CRYBG3: variants seen among roughly 807,000 people sequenced by gnomAD.
The protein encoded by CRYBG3 is very large A-kinase anchor protein.
A neutral mutation model predicts 244.2 loss-of-function variants in CRYBG3; 127 were observed. That is an observed-to-expected ratio of 0.52 (90% confidence interval 0.45 to 0.60). The LOEUF (loss-of-function observed/expected upper bound fraction) is 0.60. Among genes scored for constraint, CRYBG3 ranks in the 20% least tolerant of loss-of-function variants. The pLI, the probability that CRYBG3 is intolerant of heterozygous loss-of-function variation, is 0.00. For synonymous variants in CRYBG3, 1,132 were observed against 1,195.8 expected (o/e 0.95, Z 1.10); for missense variants, 3,325 against 3,442.5 (o/e 0.97, Z 0.85).
At chr3:97,898,835 A>G (rs759162862) in intron 12 of CRYBG3, 48 bp from the exon 13 acceptor site, 6 of 1,399,194 alleles carry the variant, frequency 4.3e-6, no homozygotes, top group Non-Finnish European at 5.8e-6. Context: ...AGCAGTCCAT[A>G]AAACAGAATA....
At position 97,933,776 on chromosome 3, in the gene CRYBG3, C is replaced by G; in HGVS notation, c.8324C>G (p.Ser2775Cys). ...TTACATCTAGAAGAGGCTGTGAACT[C>G]TGTTCTGAACAAGGACCTACACTTC... ...RELHLEEAVN[S>C]VLNKDLHFYT... is the part of the protein sequence containing the mutation. The change falls in exon 18 of 22, where the codon TCT (serine) becomes TGT (cysteine). Residue 2775 changes from serine (S) to cysteine (C), a missense_variant. Physicochemically the swap from Ser to Cys is moderately radical, Grantham distance 112 (BLOSUM62 -1). Transcript: ENST00000389622. The G allele has an allele frequency of 6.2e-7, 1 of 1,612,838 alleles. No individual in the cohort carries two copies. Among genetic ancestry groups the G allele is most frequent in the Non-Finnish European group, 8.5e-7 (1 of 1,179,186 alleles).
At chr3:97,854,229 GTA>G (rs2039033078) in intron 2 of CRYBG3, among the ~76,000 whole-genome samples, 1 of 152,154 alleles carries the variant, frequency 6.6e-6, no homozygotes. Flanking sequence ...TAGCCTTGTA[GTA>G]TAGTTTGAAG....
chr3:97,876,898 G>A lies in CRYBG3; in HGVS notation c.5704G>A (p.Gly1902Arg), dbSNP rs1399336212. The A allele has an allele frequency of 1.7e-5, 25 of 1,440,876 alleles. No individual in the cohort carries two copies. The Admixed American group carries it at 3.6e-4, about 21-fold the overall frequency. The allele number at this position is 1,440,876 out of a possible 1,614,324, so 89.3% of individuals were successfully genotyped here. The part of the protein sequence containing the change: ...ESKTPQEYAE[G>R]SVEETKEEPT... The stretch of plus-strand genomic sequence containing the variant: ...TAAAACACCACAAGAGTATGCTGAA[G>A]GGAGTGTTGAAGAAACAAAGGAAGA... The change falls in exon 4 of 22, where the codon GGG (glycine) becomes AGG (arginine). Residue 1902 changes from glycine to arginine, a missense_variant. By Grantham distance (125) the Gly-to-Arg change is moderately radical. This residue lies in a region of CRYBG3 where 635 missense variants were observed against 771.7 expected (regional missense o/e 0.82). Transcript: ENST00000389622.
At position 97,836,456 on chromosome 3, in the gene CRYBG3, G is replaced by A. The variant is rs904587892; in HGVS notation, c.150-6739G>A. On this transcript the variant is annotated intron_variant, in intron 1 of 21. Coordinates refer to ENST00000389622, the MANE Select transcript of CRYBG3 (RefSeq NM_153605.4). The stretch of plus-strand genomic sequence containing the variant: ...TTGTGAATGGACAGTTTTCCAGATG[G>A]TGGTTTGGAAATCATTGGTGTGGAA... 2.6e-5 allele frequency among the ~76,000 whole-genome samples: 4 copies of A among 152,158 alleles called. No homozygotes were observed. The East Asian group carries it at 7.7e-4, about 29-fold the overall frequency.
chr3:97,915,153 T>A (rs2039913561), intron 16 of CRYBG3, among the ~76,000 whole-genome samples: 1 of 152,166 alleles, frequency 6.6e-6, no homozygotes, highest in Admixed American at 6.5e-5. Flanking sequence ...GAACTTATAA[T>A]CTGTTCAGGT....
At chr3:97,938,118 A>G (rs898291735) in intron 19 of CRYBG3, among the ~76,000 whole-genome samples, 1 of 151,930 alleles carries the variant, frequency 6.6e-6, no homozygotes, top group Non-Finnish European at 1.5e-5. Context: ...TCTTTAGAAC[A>G]CTTTCTTGCT....
In CRYBG3 at chr3:97,937,069, G is replaced by T. The variant is rs1168784742; in HGVS notation, c.8505+161G>T. Among the ~76,000 whole-genome samples, 4 of 152,184 alleles carry T rather than the reference G, an allele frequency of 2.6e-5. No individual in the cohort carries two copies. In the East Asian group the frequency reaches 7.8e-4, roughly 30 times the overall value. On this transcript the variant is annotated intron_variant, in intron 19 of 21. Transcript: ENST00000389622. ...ATATCTTGTACATTTTAACCAATTT[G>T]TAAGATTGTATCTAAAGTCAACATT...
chr3:97,847,831 C>T (rs1366585316), intron 2 of CRYBG3, among the ~76,000 whole-genome samples: 1 of 152,164 alleles, frequency 6.6e-6, no homozygotes, highest in Non-Finnish European at 1.5e-5. Flanking sequence ...TGGTGTATGC[C>T]TGTGATATTC....
rs2039375069 is a variant in CRYBG3, at chr3:97,876,557, A to G, written c.5363A>G (p.Tyr1788Cys). The G allele has an allele frequency of 3.2e-6, 4 of 1,232,162 alleles. No individual in the cohort carries two copies. In the African/African-American group the frequency reaches 4.7e-5, roughly 14 times the overall value. 76.3% of individuals were successfully genotyped at this position (1,232,162 alleles called of 1,614,324 possible). A position where few individuals can be genotyped will look rare whatever the true frequency, so the allele number is the denominator to read the frequency against. The stretch of plus-strand genomic sequence containing the variant: ...TCTGTGTTGAAAATGGAAGCTACTT[A>G]CCGAAAGACTGCTGAAGAGGTCATT... ...EGSVLKMEAT[Y>C]RKTAEEVIKN... Residue 1788 changes from tyrosine (Y) to cysteine (C), a missense_variant, in exon 4 of 22, where the codon TAC becomes TGC. Transcript: ENST00000389622.
intron 3 of CRYBG3, among the ~76,000 whole-genome samples, chr3:97,866,751 AC>A (rs1426267138): frequency 3.3e-5 from 5 of 152,142 alleles, no homozygotes; most frequent in Non-Finnish European, 5.9e-5. Flanking sequence ...GAGAGAGGAT[AC>A]TTTTCCTCTT....
At position 97,892,860 on chromosome 3, in the gene CRYBG3, G is replaced by A; in HGVS notation, c.7441G>A (p.Val2481Ile). 3 of 1,437,956 alleles carry A rather than the reference G, an allele frequency of 2.1e-6. No individual in the cohort carries two copies. The South Asian group carries it at 3.9e-5, about 19-fold the overall frequency. The allele number at this position is 1,437,956 out of a possible 1,614,324, so 89.1% of individuals were successfully genotyped here. A position where few individuals can be genotyped will look rare whatever the true frequency, so the allele number is the denominator to read the frequency against. The change falls in exon 11 of 22, where the codon GTT (valine) becomes ATT (isoleucine). Residue 2481 changes from valine to isoleucine, a missense_variant and splice_region_variant. By Grantham distance (29) the Val-to-Ile change is conservative. Transcript: ENST00000389622. Reference protein sequence around the residue: ...LKVEMPMNLKVIIYEKPHFHG... With the variant: ...LKVEMPMNLKIIIYEKPHFHG... ...ATAAACATGTTAAATAATTTTTCAG[G>A]TTATTATTTATGAAAAACCTCACTT... is the stretch of plus-strand genomic sequence containing the variant.
intron 19 of CRYBG3, among the ~76,000 whole-genome samples, chr3:97,938,815 A>T (rs2040193297): frequency 6.6e-6 from 1 of 151,882 alleles, no homozygotes; most frequent in Admixed American, 6.6e-5. Flanking sequence ...ATTATTATTC[A>T]CAATGTCCCT....
In CRYBG3 at chr3:97,874,717, T is replaced by C. The variant is rs1270984793; in HGVS notation, c.3523T>C (p.Ser1175Pro). 10 of 1,535,604 alleles carry C rather than the reference T, an allele frequency of 6.5e-6. No individual in the cohort carries two copies. The highest frequency in any genetic ancestry group is 7.8e-6 in the Non-Finnish European group (9 of 1,146,768). ...CTCAGGCCAACAGTGTTCTGAAGCC[T>C]CTGCTGAGCACATAGAAGCCAGGAG... ...NSSGQQCSEA[S>P]AEHIEARRRA... The change falls in exon 4 of 22, where the codon TCT becomes CCT. Residue 1175 changes from serine to proline, a missense_variant. This residue lies in a region of CRYBG3 where 1,526 missense variants were observed against 1,443.2 expected (regional missense o/e 1.06). Transcript: ENST00000389622.
intron 1 of CRYBG3, among the ~76,000 whole-genome samples, chr3:97,826,352 C>A (rs769269225): frequency 6.6e-6 from 1 of 152,134 alleles, no homozygotes; most frequent in Non-Finnish European, 1.5e-5. Flanking sequence ...AATTGACCTG[C>A]AGTAAGTTTA....
In CRYBG3 at chr3:97,872,127, C is replaced by T; in HGVS notation, c.933C>T (p.Phe311=). ...ACTCTGATTGTAGCAAAACAAGTTT[C>T]AACAAGGAAAATTCTTTGACAAATA... ...LEDSDCSKTS[F]NKENSLTNNP... The change falls in exon 4 of 22, where the codon TTC becomes TTT. Residue 311 remains phenylalanine (F), a synonymous_variant. Transcript: ENST00000389622. 1 of 1,535,998 alleles carries T rather than the reference C, an allele frequency of 6.5e-7. No homozygotes were observed.
chr3:97,921,780 A>G (rs1386164168), intron 17 of CRYBG3, among the ~76,000 whole-genome samples: 1 of 152,158 alleles, frequency 6.6e-6, no homozygotes, highest in Non-Finnish European at 1.5e-5. Context: ...GACTTTTCAG[A>G]CTATTGCATA....
intron 11 of CRYBG3, among the ~76,000 whole-genome samples, chr3:97,895,161 G>A (rs1425676986): frequency 1.3e-5 from 2 of 152,174 alleles, no homozygotes; most frequent in Non-Finnish European, 2.9e-5. Context: ...GGGCATCTCA[G>A]TCTAACTATG....
intron 3 of CRYBG3, chr3:97,867,234 T>G (rs140007411): frequency 6.6e-6 from 1 of 152,188 alleles, no homozygotes; most frequent in African/African-American, 2.4e-5. Context: ...TTTGAAAAAA[T>G]TATTTACTAC....
At chr3:97,942,773 T>A in intron 21 of CRYBG3, 1 of 228,548 alleles carries the variant, frequency 4.4e-6, no homozygotes, top group Non-Finnish European at 8.3e-6. Context: ...TTGCCAGGAA[T>A]TGCCATGGTC....
Sources: allele counts gnomAD v4.1 joint callset (sites outside exome capture counted in the v4.1 genomes callset), GRCh38; gene constraint gnomAD v4.1.1; regional missense constraint gnomAD v4.1.1; transcripts MANE v1.5; gene names NCBI Gene and HGNC (gene_info 2026-07-23, HGNC 2026-07-21).